Variants in ATG7 observed in about 807,000 individuals in gnomAD.
ATG7 encodes the protein ubiquitin-like modifier-activating enzyme ATG7.
Under a neutral mutation model 82.4 loss-of-function variants are expected in ATG7, and 70 were observed. The observed-to-expected ratio is 0.85, with a 90% CI of 0.70 to 1.04. The LOEUF (loss-of-function observed/expected upper bound fraction) is 1.04, where lower values mean the gene tolerates loss of function less well. Ranked by LOEUF, ATG7 falls within the 50% of genes least tolerant of loss-of-function variation. The probability of loss-of-function intolerance (pLI) is 0.00; values close to 1 mark genes in which losing one functional copy is unlikely to be tolerated. For synonymous variants in ATG7, 287 were observed against 313.0 expected (o/e 0.92, Z 0.88); for missense variants, 792 against 864.3 (o/e 0.92, Z 1.05).
At chr3:11,342,669 T>C (rs2152777192) in intron 13 of ATG7, among the ~76,000 whole-genome samples, 1 of 152,248 alleles carries the variant, frequency 6.6e-6, no homozygotes, top group South Asian at 2.1e-4. Flanking sequence ...GATAGAAAAA[T>C]GACTGTAGCT....
At chr3:11,561,518 C>T (rs2072999237), downstream of ATG7, among the ~76,000 whole-genome samples, 1 of 152,154 alleles carries the variant, frequency 6.6e-6, no homozygotes. Flanking sequence ...CGTGAGCCCT[C>T]GTGGGACTGG....
intron 7 of ATG7, among the ~76,000 whole-genome samples, chr3:11,312,233 A>G (rs193043600): frequency 1.3e-5 from 2 of 152,350 alleles, no homozygotes; most frequent in African/African-American, 4.8e-5. Flanking sequence ...TCTTAGCAAG[A>G]TTCAAGAAGA....
At chr3:11,511,425 C>A (rs2092048614) in intron 20 of ATG7, among the ~76,000 whole-genome samples, 1 of 152,222 alleles carries the variant, frequency 6.6e-6, no homozygotes, top group African/African-American at 2.4e-5. Context: ...CTGGTGCATT[C>A]ACAAACCTTG....
intron 19 of ATG7, among the ~76,000 whole-genome samples, chr3:11,424,338 A>G (rs2082182589): frequency 6.6e-6 from 1 of 152,094 alleles, no homozygotes; most frequent in Admixed American, 6.5e-5. Context: ...AAGAAATATT[A>G]AATATTCAAT....
intron 20 of ATG7, among the ~76,000 whole-genome samples, chr3:11,513,767 AGCGAGGGCT>A (rs141650703): frequency 5.9e-5 from 9 of 152,186 alleles, no homozygotes; most frequent in Non-Finnish European, 5.9e-5. Flanking sequence ...GCTGAGAGTG[AGCGAGGGCT>A]GCGAGGGCTG....
chr3:11,314,414 T>TTTG (rs68039111), intron 8 of ATG7, among the ~76,000 whole-genome samples: 129,821 of 151,594 alleles, frequency 0.86, 55,905 homozygotes, highest in East Asian at 1. Context: ...TTAAATTTTT[T>TTTG]TTGTTGTTGT....
At chr3:11,559,421 C>G (rs1187039913), downstream of ATG7, 2 of 1,564,792 alleles carry the variant, frequency 1.3e-6, no homozygotes, top group Non-Finnish European at 1.7e-6. Context: ...GTTGCGGGCG[C>G]CAGCCGAGGC....
intron 19 of ATG7, among the ~76,000 whole-genome samples, chr3:11,425,191 T>A (rs1226367616): frequency 6.6e-6 from 1 of 152,156 alleles, no homozygotes; most frequent in Non-Finnish European, 1.5e-5. Flanking sequence ...CCTGAACTCC[T>A]AAGCTCAAGC....
intron 20 of ATG7, among the ~76,000 whole-genome samples, chr3:11,533,284 A>C (rs1198936210): frequency 5.3e-5 from 8 of 152,222 alleles, no homozygotes; most frequent in Admixed American, 2.0e-4. Context: ...AGCAAGACCC[A>C]TGCCAACAAA....
At chr3:11,295,611 A>G (rs180828434) in intron 3 of ATG7, among the ~76,000 whole-genome samples, 16 of 152,290 alleles carry the variant, frequency 1.1e-4, no homozygotes, top group Non-Finnish European at 1.8e-4. Context: ...TAAACATTAA[A>G]TACAATGTTT....
the ATG7 span, among the ~76,000 whole-genome samples, chr3:11,567,027 C>T: frequency 6.6e-6 from 1 of 152,082 alleles, no homozygotes; most frequent in African/African-American, 2.4e-5. Context: ...TTAGATGGAC[C>T]CTGCGGCCCA....
At chr3:11,297,349 C>T (rs1478500690) in intron 3 of ATG7, among the ~76,000 whole-genome samples, 3 of 152,124 alleles carry the variant, frequency 2.0e-5, no homozygotes, top group Non-Finnish European at 4.4e-5. Flanking sequence ...CAGAGCGTGA[C>T]CCTGTAAATG....
intron 19 of ATG7, among the ~76,000 whole-genome samples, chr3:11,383,327 G>A (rs956972320): frequency 4.6e-5 from 7 of 152,084 alleles, no homozygotes; most frequent in African/African-American, 7.2e-5. Flanking sequence ...TTCCCTCCAT[G>A]TGGATTTGTC....
At chr3:11,538,698 AAAAAAAAATTAGCC>A (rs2070547686) in intron 20 of ATG7, among the ~76,000 whole-genome samples, 1 of 142,396 alleles carries the variant, frequency 7.0e-6, no homozygotes, top group Non-Finnish European at 1.5e-5. Flanking sequence ...AAAAAAAAAA[AAAAAAAAATTAGCC>A]AAAAAAAAAA....
At chr3:11,313,797 G>C (rs559559652) in intron 8 of ATG7, among the ~76,000 whole-genome samples, 1 of 152,182 alleles carries the variant, frequency 6.6e-6, no homozygotes, top group South Asian at 2.1e-4. Context: ...ATGGGGTTTT[G>C]CCATGTTGGC....
At chr3:11,279,942 T>TC (rs1158888733) in intron 1 of ATG7, among the ~76,000 whole-genome samples, 1 of 152,076 alleles carries the variant, frequency 6.6e-6, no homozygotes, top group Non-Finnish European at 1.5e-5. Context: ...ACCATAGTTT[T>TC]TTTTTTTTTT....
chr3:11,458,629 C>T (rs2454500), intron 20 of ATG7, among the ~76,000 whole-genome samples: 131,930 of 152,280 alleles, frequency 0.87, 57,461 homozygotes, highest in East Asian at 1. Flanking sequence ...CTAGTTACTT[C>T]TCCATGCTGG....
chr3:11,434,813 A>C (rs78694752), intron 20 of ATG7, among the ~76,000 whole-genome samples: 2 of 152,202 alleles, frequency 1.3e-5, no homozygotes, highest in African/African-American at 2.4e-5. Flanking sequence ...GAAGGGGGGA[A>C]ATCATAAATG....
chr3:11,454,651 T>C (rs115983800), intron 20 of ATG7, among the ~76,000 whole-genome samples: 232 of 152,286 alleles, frequency 1.5e-3, no homozygotes, highest in African/African-American at 5.3e-3. Context: ...CTTGAGTAAA[T>C]AAAGGTTGAG....
Sources: gnomAD v4.1 joint callset for allele counts (sites outside exome capture counted in the v4.1 genomes callset) on GRCh38, gnomAD v4.1.1 for gene constraint, MANE v1.5 for transcripts, NCBI Gene and HGNC (gene_info 2026-07-23, HGNC 2026-07-21) for gene names.